The following ABCA6 variants were observed in gnomAD, a reference collection of about 807,000 sequenced individuals.
ABCA6 encodes the protein ATP binding cassette subfamily A member 6.
ABCA6 carries 164 observed loss-of-function variants against 191.2 expected under a neutral mutation model. The observed-to-expected ratio is 0.86, with a 90% CI of 0.76 to 0.98. The LOEUF is 0.98. ABCA6 is among the 50% of genes least tolerant of loss of function. The pLI is 0.00. For synonymous variants in ABCA6, 636 were observed against 647.7 expected, an observed-to-expected ratio of 0.98 and a Z score of 0.27; for missense variants, 1,958 against 1,894.1, an observed-to-expected ratio of 1.03 and a Z score of -0.63.
chr17:69,111,923 G>T (rs1479037428), intron 16 of ABCA6: 2 of 371,718 alleles, frequency 5.4e-6, no homozygotes, highest in East Asian at 5.0e-5. Flanking sequence ...AGGCTGCACA[G>T]AACAGCTACC....
intron 37 of ABCA6, among the ~76,000 whole-genome samples, chr17:69,080,561 A>G (rs1273997665): frequency 6.6e-6 from 1 of 152,182 alleles, no homozygotes; most frequent in Non-Finnish European, 1.5e-5. Flanking sequence ...CTATCATTCA[A>G]ATAGGAAGGC....
rs1452902884 is a variant in ABCA6, at chr17:69,128,627, T to C, written c.1111A>G (p.Met371Val). Reference sequence around the variant, plus strand: ...ATTAACTAGGCTCTTACCTGAATCATTCCAGTAGTAAAGGCAAAAGGGCTA... The same window carrying C: ...ATTAACTAGGCTCTTACCTGAATCACTCCAGTAGTAAAGGCAAAAGGGCTA... ...ICSPFAFTTG[M>V]IQIIKLDYNL... The change falls in exon 8 of 39, where the codon ATG becomes GTG. Residue 371 changes from methionine (M) to valine (V), a missense_variant. Coordinates refer to ENST00000284425, the MANE Select transcript of ABCA6 (RefSeq NM_080284.3). 1 of 1,611,226 alleles carries C rather than the reference T, an allele frequency of 6.2e-7. No homozygotes were observed. The highest frequency in any genetic ancestry group is 8.5e-7 in the Non-Finnish European group (1 of 1,178,434).
At chr17:69,090,781 T>G (rs2072905899) in intron 26 of ABCA6, among the ~76,000 whole-genome samples, 1 of 152,222 alleles carries the variant, frequency 6.6e-6, no homozygotes, top group African/African-American at 2.4e-5. Context: ...AAATTACCTG[T>G]CAAACCAAGC....
In ABCA6 at chr17:69,129,691, A is replaced by C; in HGVS notation, c.852T>G (p.Ile284Met). ...FIFIISIFVT[I>M]IITFTQIIVM... is the part of the protein sequence containing the mutation. ...CTATAATTTGGGTGAATGTTATGATAATTGTAACGAATATGGAAATAATAA... is the reference window on the plus strand; with the variant it reads ...CTATAATTTGGGTGAATGTTATGATCATTGTAACGAATATGGAAATAATAA... The change falls in exon 7 of 39, where the codon ATT becomes ATG. Residue 284 changes from isoleucine to methionine, a missense_variant. Transcript: ENST00000284425. 1.9e-6 allele frequency: 3 copies of C among 1,604,064 alleles called. No individual in the cohort carries two copies. The highest frequency in any genetic ancestry group is 1.7e-6 in the Non-Finnish European group (2 of 1,171,458).
intron 8 of ABCA6, among the ~76,000 whole-genome samples, chr17:69,125,742 T>C (rs1003465917): frequency 6.6e-6 from 1 of 152,158 alleles, no homozygotes; most frequent in Non-Finnish European, 1.5e-5. Context: ...ATTTTCATGA[T>C]AAAGTTGAAT....
intron 15 of ABCA6, chr17:69,112,986 T>A (rs1244445008): frequency 2.9e-6 from 1 of 340,858 alleles, no homozygotes; most frequent in African/African-American, 2.1e-5. Flanking sequence ...TTAAATTAAT[T>A]GACAGCTGAT....
intron 28 of ABCA6, among the ~76,000 whole-genome samples, chr17:69,087,782 T>G (rs1053603921): frequency 6.6e-5 from 10 of 152,246 alleles, no homozygotes; most frequent in Non-Finnish European, 1.0e-4. Flanking sequence ...GAGCTCATCT[T>G]CATCACACCA....
chr17:69,093,595 C>T (rs1194687446), intron 25 of ABCA6, among the ~76,000 whole-genome samples: 2 of 152,182 alleles, frequency 1.3e-5, no homozygotes, highest in African/African-American at 2.4e-5. Flanking sequence ...AAAAGTTGCT[C>T]GCTTTCTTTG....
At chr17:69,112,673 G>T in intron 15 of ABCA6, 1 of 171,738 alleles carries the variant, frequency 5.8e-6, no homozygotes, top group Non-Finnish European at 1.2e-5. Flanking sequence ...AGTCAGAGGG[G>T]GATGGGGAAT....
intron 20 of ABCA6, among the ~76,000 whole-genome samples, 198 bp from the exon 21 acceptor site, chr17:69,103,166 A>G (rs769133265): frequency 6.6e-6 from 1 of 152,204 alleles, no homozygotes; most frequent in Non-Finnish European, 1.5e-5. Flanking sequence ...ACAATGAATT[A>G]GCTTTATAAA....
intron 32 of ABCA6, 127 bp from the exon 33 acceptor site, chr17:69,084,634 T>TA (rs920668438): frequency 2.4e-6 from 2 of 839,998 alleles, no homozygotes; most frequent in Non-Finnish European, 3.6e-6. Context: ...CTCATAATTT[T>TA]AAAAAAGAGA....
At chr17:69,089,144 C>A (rs143333163) in intron 27 of ABCA6, among the ~76,000 whole-genome samples, 1 of 152,260 alleles carries the variant, frequency 6.6e-6, no homozygotes, top group African/African-American at 2.4e-5. Context: ...TTATTCAGTT[C>A]TTGCCTTTTT....
chr17:69,094,568 T>G (rs888135318), intron 25 of ABCA6: 1 of 162,952 alleles, frequency 6.1e-6, no homozygotes, highest in African/African-American at 2.4e-5. Context: ...CCTGCAGCCA[T>G]GAGGAAATTA....
At chr17:69,138,575 C>T (rs2073983470) in intron 2 of ABCA6, among the ~76,000 whole-genome samples, 1 of 151,728 alleles carries the variant, frequency 6.6e-6, no homozygotes, top group African/African-American at 2.4e-5. Context: ...TGACTTTCTT[C>T]ACAGAATTGG....
At chr17:69,132,160 C>T (rs1043120553) in intron 6 of ABCA6, among the ~76,000 whole-genome samples, 5 of 152,004 alleles carry the variant, frequency 3.3e-5, no homozygotes, top group Admixed American at 1.3e-4. Flanking sequence ...TCAGGTAACA[C>T]GTGGCTCCCA....
Position 69,129,651 on chromosome 17 carries a change from T to C in ABCA6, c.892A>G (p.Met298Val), listed in dbSNP as rs1264089473. 6.2e-7 allele frequency: 1 copy of C among 1,604,084 alleles called. No individual in the cohort carries two copies. The highest frequency in any genetic ancestry group is 1.3e-5 in the African/African-American group (1 of 74,584). ...FTQIIVMTGF[M>V]VIFILFFLYG... is the part of the protein sequence containing the mutation. ...AAAAAAAAGAGTATAAATATGACCA[T>C]GAAGCCAGTCATGACTATAATTTGG... The change falls in exon 7 of 39, where the codon ATG becomes GTG. Residue 298 changes from methionine to valine, a missense_variant. By Grantham distance (21) the Met-to-Val change is conservative (BLOSUM62 1). Coordinates refer to ENST00000284425, the MANE Select transcript of ABCA6 (RefSeq NM_080284.3).
At chr17:69,091,295 C>A in intron 25 of ABCA6, 33 bp from the exon 26 acceptor site, 1 of 1,600,306 alleles carries the variant, frequency 6.2e-7, no homozygotes, top group South Asian at 1.1e-5. Context: ...TTGTATCAGA[C>A]ATACTCAACC....
chr17:69,083,014 C>A lies in ABCA6; in HGVS notation c.4476-1G>T. 1 of 1,613,916 alleles carries A rather than the reference C, an allele frequency of 6.2e-7. No homozygotes were observed. Among genetic ancestry groups the A allele is most frequent in the Non-Finnish European group, 8.5e-7 (1 of 1,179,960 alleles). ...CAGGTGTTGGATGGAGCCAATGCAT[C>A]TATGGGCAAGAAAGAGAATATGTTG... On this transcript the variant is annotated splice_acceptor_variant, in intron 35 of 38. Transcript: ENST00000284425. LOFTEE classifies it high-confidence loss of function.
intron 37 of ABCA6, among the ~76,000 whole-genome samples, chr17:69,080,759 T>C (rs1178729356): frequency 6.6e-6 from 1 of 152,180 alleles, no homozygotes; most frequent in Non-Finnish European, 1.5e-5. Context: ...ATGGATTATA[T>C]ACATGTAGGC....
Sources: gnomAD v4.1 joint callset for allele counts (sites outside exome capture counted in the v4.1 genomes callset) on GRCh38, gnomAD v4.1.1 for gene constraint, MANE v1.5 for transcripts, NCBI Gene and HGNC (gene_info 2026-07-23, HGNC 2026-07-21) for gene names.